The following MAN1A1 variants were observed in gnomAD, a reference collection of about 807,000 sequenced individuals.
The protein encoded by MAN1A1 is mannosidase alpha class 1A member 1, also known as mannosyl-oligosaccharide 1,2-alpha-mannosidase IA.
A neutral mutation model predicts 70.8 loss-of-function variants in MAN1A1; 29 were observed. The observed-to-expected ratio is 0.41, with a 90% CI of 0.31 to 0.56. MAN1A1 has a LOEUF of 0.56. Ranked by LOEUF, MAN1A1 falls within the 20% of genes least tolerant of loss-of-function variation. MAN1A1 has a pLI of 0.29. For synonymous variants in MAN1A1, 349 were observed against 330.1 expected (o/e 1.06, Z -0.62); for missense variants, 747 against 841.3 (o/e 0.89, Z 1.39).
rs1301481181 is a variant in MAN1A1, at chr6:119,207,981, A to T, written c.993-3099T>A. On this transcript the variant is annotated intron_variant, in intron 6 of 12. Transcript: ENST00000368468. ...GCTATGGTGTTATCTGGTCTATTTT[A>T]TAAAAACTAATAATATTTAGAAAAA... 1.3e-5 allele frequency among the ~76,000 whole-genome samples: 2 copies of T among 152,214 alleles called. 1 individual carries two copies. The highest frequency in any genetic ancestry group is 4.1e-4 in the South Asian group (2 of 4,836).
chr6:119,324,875 G>A (rs1773105677), intron 2 of MAN1A1, among the ~76,000 whole-genome samples: 1 of 152,090 alleles, frequency 6.6e-6, no homozygotes, highest in Non-Finnish European at 1.5e-5. Flanking sequence ...TTGGGGGGTT[G>A]GGGAGGGCAG....
chr6:119,331,302 A>G (rs772752594), intron 2 of MAN1A1, among the ~76,000 whole-genome samples: 6 of 152,032 alleles, frequency 3.9e-5, no homozygotes, highest in Non-Finnish European at 8.8e-5. Context: ...TAAAATTCAT[A>G]CTGCATTTTT....
intron 6 of MAN1A1, among the ~76,000 whole-genome samples, chr6:119,229,559 C>G (rs549458473): frequency 2.0e-4 from 30 of 152,272 alleles, no homozygotes; most frequent in African/African-American, 7.2e-4. Context: ...ATATATTTCA[C>G]AAATGCAGTT....
At chr6:119,265,895 A>C (rs1417123406) in intron 5 of MAN1A1, among the ~76,000 whole-genome samples, 1 of 152,216 alleles carries the variant, frequency 6.6e-6, no homozygotes. Flanking sequence ...AAGAAATCTG[A>C]AACTAATAAG....
chr6:119,252,325 A>G (rs916981229), intron 5 of MAN1A1, among the ~76,000 whole-genome samples: 7 of 152,196 alleles, frequency 4.6e-5, no homozygotes, highest in Non-Finnish European at 1.0e-4. Flanking sequence ...CTAATGAATT[A>G]TTGTTTATTT....
At chr6:119,223,784 C>T (rs2114262529) in intron 6 of MAN1A1, among the ~76,000 whole-genome samples, 1 of 151,970 alleles carries the variant, frequency 6.6e-6, no homozygotes, top group East Asian at 1.9e-4. Flanking sequence ...CTTCTGGCCT[C>T]TAGTAATGGT....
intron 5 of MAN1A1, among the ~76,000 whole-genome samples, chr6:119,287,231 C>T (rs1582769684): frequency 6.6e-6 from 1 of 152,186 alleles, no homozygotes; most frequent in East Asian, 1.9e-4. Flanking sequence ...CTATAGAGAT[C>T]CCCTATGCCA....
intron 6 of MAN1A1, among the ~76,000 whole-genome samples, chr6:119,229,285 T>C (rs1774610121): frequency 6.6e-6 from 1 of 151,558 alleles, no homozygotes; most frequent in African/African-American, 2.4e-5. Flanking sequence ...GGTTCCATGG[T>C]GAAAAAAGTT....
chr6:119,268,912 G>A (rs1471724540), intron 5 of MAN1A1, among the ~76,000 whole-genome samples: 1 of 152,024 alleles, frequency 6.6e-6, no homozygotes, highest in Non-Finnish European at 1.5e-5. Context: ...TCTCATGAAC[G>A]AGTAGGCCAT....
intron 11 of MAN1A1, among the ~76,000 whole-genome samples, chr6:119,183,013 G>A (rs1382446749): frequency 2.0e-5 from 3 of 152,158 alleles, no homozygotes; most frequent in African/African-American, 7.2e-5. Context: ...AGAATGTAGA[G>A]CCCAGAAAAG....
At chr6:119,302,561 T>C (rs938743040) in intron 3 of MAN1A1, among the ~76,000 whole-genome samples, 1 of 152,136 alleles carries the variant, frequency 6.6e-6, no homozygotes, top group Non-Finnish European at 1.5e-5. Context: ...TTTGTGTTTT[T>C]AGTAGAGACG....
chr6:119,203,907 A>G (rs1216986844), intron 7 of MAN1A1, among the ~76,000 whole-genome samples: 2 of 152,118 alleles, frequency 1.3e-5, no homozygotes, highest in Non-Finnish European at 2.9e-5. Flanking sequence ...GATGGTATGT[A>G]AAGCCCAGAG....
chr6:119,294,445 CAATT>C (rs1180362845), intron 4 of MAN1A1, among the ~76,000 whole-genome samples: 8 of 152,052 alleles, frequency 5.3e-5, no homozygotes, highest in African/African-American at 1.7e-4. Flanking sequence ...TTTATCCTAA[CAATT>C]AATGTGAATT....
At chr6:119,261,897 T>A (rs1337319865) in intron 5 of MAN1A1, among the ~76,000 whole-genome samples, 1 of 152,206 alleles carries the variant, frequency 6.6e-6, no homozygotes. Context: ...AAAGGACTAG[T>A]TCTAAAAGAA....
At chr6:119,350,448 C>CT, upstream of MAN1A1, 1 of 765,646 alleles carries the variant, frequency 1.3e-6, no homozygotes, top group Admixed American at 6.3e-5. Context: ...CGTATGCGCC[C>CT]TTTCTTCCCC....
chr6:119,274,765 A>C (rs1271655451), intron 5 of MAN1A1, among the ~76,000 whole-genome samples: 2 of 152,206 alleles, frequency 1.3e-5, no homozygotes, highest in Non-Finnish European at 2.9e-5. Context: ...AGCTGAAATC[A>C]CATGGCTGTC....
chr6:119,230,753 A>AT (rs149875664), intron 6 of MAN1A1, among the ~76,000 whole-genome samples: 15,236 of 152,142 alleles, frequency 0.1, 967 homozygotes, highest in Non-Finnish European at 0.14. Context: ...GAATATGAAC[A>AT]TTTTTTTGTT....
At chr6:119,321,508 T>C (rs1773003873) in intron 2 of MAN1A1, among the ~76,000 whole-genome samples, 1 of 152,178 alleles carries the variant, frequency 6.6e-6, no homozygotes, top group Non-Finnish European at 1.5e-5. Flanking sequence ...CCTGCTTCCT[T>C]GGTCCTGTCT....
intron 6 of MAN1A1, among the ~76,000 whole-genome samples, chr6:119,244,317 A>G (rs1775103990): frequency 2.0e-5 from 3 of 152,036 alleles, no homozygotes; most frequent in Admixed American, 1.3e-4. Context: ...TTCTACCAAA[A>G]CCTAATATTA....
Sources: allele counts gnomAD v4.1 joint callset (sites outside exome capture counted in the v4.1 genomes callset), GRCh38; gene constraint gnomAD v4.1.1; transcripts MANE v1.5; gene names NCBI Gene and HGNC (gene_info 2026-07-23, HGNC 2026-07-21).